The following ERO1B variants were observed in gnomAD, a reference collection of about 807,000 sequenced individuals.
ERO1B encodes the protein ERO1-like protein beta.
A neutral mutation model predicts 75.3 loss-of-function variants in ERO1B; 49 were observed. That is an observed-to-expected ratio of 0.65 (90% confidence interval 0.52 to 0.83). ERO1B has a LOEUF of 0.83. Among genes scored for constraint, ERO1B ranks in the 40% least tolerant of loss-of-function variants. The probability of loss-of-function intolerance (pLI) is 0.00; values close to 1 mark genes in which losing one functional copy is unlikely to be tolerated. For missense variants in ERO1B, 512 were observed against 560.1 expected (o/e 0.91, Z 0.87); for synonymous variants, 191 against 192.9 (o/e 0.99, Z 0.08).
intron 4 of ERO1B, among the ~76,000 whole-genome samples, chr1:236,250,608 TA>T (rs1664999704): frequency 3.1e-5 from 2 of 65,200 alleles, no homozygotes; most frequent in African/African-American, 1.0e-4. Flanking sequence ...TATATATATA[TA>T]TATATATATC....
intron 2 of ERO1B, among the ~76,000 whole-genome samples, chr1:236,267,232 T>TTCTGAAGTATGTTTTCTGAAG (rs1450611651): frequency 1.3e-5 from 2 of 152,238 alleles, no homozygotes; most frequent in African/African-American, 4.8e-5. Context: ...AGCTTTAGTT[T>TTCTGAAGTATGTTTTCTGAAG]TATCTTTTCT....
At chr1:236,268,308 TGG>T (rs1665499438) in intron 2 of ERO1B, among the ~76,000 whole-genome samples, 2 of 151,802 alleles carry the variant, frequency 1.3e-5, no homozygotes, top group South Asian at 4.2e-4. Context: ...GGCGTGGTGG[TGG>T]GCGCCTGTAA....
At chr1:236,241,882 C>T (rs1664713462) in intron 6 of ERO1B, among the ~76,000 whole-genome samples, 1 of 152,014 alleles carries the variant, frequency 6.6e-6, no homozygotes, top group South Asian at 2.1e-4. Flanking sequence ...TCCTGGCTAA[C>T]ATGGTGAAAC....
chr1:236,224,625 A>C (rs1664234145), intron 13 of ERO1B, among the ~76,000 whole-genome samples: 2 of 152,212 alleles, frequency 1.3e-5, no homozygotes, highest in Admixed American at 1.3e-4. Context: ...TCACATGTTA[A>C]CAGGTAGTTT....
At chr1:236,227,575 C>T (rs769831028) in intron 10 of ERO1B, among the ~76,000 whole-genome samples, 9 of 152,162 alleles carry the variant, frequency 5.9e-5, no homozygotes, top group Non-Finnish European at 1.2e-4. Context: ...ACTGGATACA[C>T]GGCCATGAGC....
chr1:236,281,532 G>A (rs1476456500), intron 1 of ERO1B, 150 bp downstream of exon 1: 1 of 490,628 alleles, frequency 2.0e-6, no homozygotes, highest in African/African-American at 2.0e-5. Flanking sequence ...GGACGGTCAG[G>A]TCTCTGCTCC....
chr1:236,218,580 T>C lies in ERO1B; in HGVS notation c.1344-4A>G, dbSNP rs750388567. On this transcript the variant is annotated splice_polypyrimidine_tract_variant and splice_region_variant and intron_variant, in intron 15 of 15. Transcript: ENST00000354619. The stretch of plus-strand genomic sequence containing the variant: ...GTCTCTTATACTTGTAGAAAGCCTA[T>C]GGAAGAAAGAAAAAGCTTATTAGTA... 5.2e-6 allele frequency: 7 copies of C among 1,356,842 alleles called. No homozygotes were observed. In the South Asian group the frequency reaches 7.8e-5, roughly 15 times the overall value. The allele number at this position is 1,356,842 out of a possible 1,614,324, so 84.1% of individuals were successfully genotyped here. A position where few individuals can be genotyped will look rare whatever the true frequency, so the allele number is the denominator to read the frequency against.
rs1349083382 is a variant in ERO1B at position 236,215,957 on chromosome 1, A to G, written c.*2559T>C. ...CAAATATCGAATAATTCACAATGTTAAAAATGTCAAAATAAAACGTTTTGA... is the reference window on the plus strand; with the variant it reads ...CAAATATCGAATAATTCACAATGTTGAAAATGTCAAAATAAAACGTTTTGA... On this transcript the variant is annotated 3_prime_UTR_variant, in exon 16 of 16. Transcript: ENST00000354619. 7.2e-6 allele frequency: 1 copy of G among 138,476 alleles called. No homozygotes were observed. 8.6% of individuals were successfully genotyped at this position (138,476 alleles called of 1,614,324 possible).
intron 2 of ERO1B, 74 bp downstream of exon 2, chr1:236,269,801 T>C: frequency 8.1e-7 from 1 of 1,235,694 alleles, no homozygotes; most frequent in South Asian, 1.4e-5. Flanking sequence ...GGAACTGAAA[T>C]GGGCTTTCAA....
At chr1:236,222,982 C>T (rs1043845103) in intron 13 of ERO1B, among the ~76,000 whole-genome samples, 1 of 152,018 alleles carries the variant, frequency 6.6e-6, no homozygotes, top group African/African-American at 2.4e-5. Context: ...AAGGTGTGAT[C>T]ACTTGAGGTC....
intron 2 of ERO1B, among the ~76,000 whole-genome samples, chr1:236,253,731 T>C (rs1181490752): frequency 1.3e-5 from 2 of 152,186 alleles, no homozygotes; most frequent in Admixed American, 6.6e-5. Context: ...TTGAATGTCT[T>C]CCAGCCTCCT....
chr1:236,279,514 A>AAAAAAAAAAAAC lies in ERO1B; in HGVS notation c.102+2167_102+2168insGTTTTTTTTTTT, dbSNP rs1553375582. The stretch of plus-strand genomic sequence containing the variant: ...AGCGAGACTCCATCTCAAAAAAAAA[A>AAAAAAAAAAAAC]AAAAAACAGCACAGTAGAAAGTACT... On this transcript the variant is annotated intron_variant, in intron 1 of 15. Coordinates refer to ENST00000354619, the MANE Select transcript of ERO1B (RefSeq NM_019891.4). 1.2e-4 allele frequency among the ~76,000 whole-genome samples: 17 copies of AAAAAAAAAAAAC among 143,920 alleles called. 1 individual carries two copies. The highest frequency in any genetic ancestry group is 2.3e-4 in the Non-Finnish European group (15 of 65,494). The allele number at this position is 143,920 out of a possible 152,430, so 94.4% of individuals were successfully genotyped here. A position where few individuals can be genotyped will look rare whatever the true frequency, so the allele number is the denominator to read the frequency against.
intron 6 of ERO1B, among the ~76,000 whole-genome samples, chr1:236,239,865 A>ATG (rs1558510910): frequency 1.3e-4 from 17 of 129,260 alleles, no homozygotes; most frequent in African/African-American, 4.9e-4. Flanking sequence ...ATATGTATAT[A>ATG]TATATGTGTA....
At chr1:236,259,267 T>C (rs1365898199) in intron 2 of ERO1B, among the ~76,000 whole-genome samples, 2 of 152,006 alleles carry the variant, frequency 1.3e-5, no homozygotes, top group Admixed American at 6.6e-5. Flanking sequence ...ATTCAAGGCA[T>C]ACCACTATAA....
rs777777964 is a variant in ERO1B at position 236,226,432 on chromosome 1, G to A, written c.889C>T (p.Pro297Ser). ...FDPVETKGEGPRRLKNLYFLY... is the reference protein window; with the variant it reads ...FDPVETKGEGSRRLKNLYFLY... Reference sequence around the variant, plus strand: ...AAGTAAAGATTCTTGAGCCTTCTTGGACCTTCTCCCTTGGTTTCCACAGGG... The same window carrying A: ...AAGTAAAGATTCTTGAGCCTTCTTGAACCTTCTCCCTTGGTTTCCACAGGG... Residue 297 changes from proline to serine, a missense_variant, in exon 12 of 16, where the codon CCA becomes TCA. Transcript: ENST00000354619. 2 of 1,613,986 alleles carry A rather than the reference G, an allele frequency of 1.2e-6. No individual in the cohort carries two copies. Among genetic ancestry groups the A allele is most frequent in the East Asian group, 4.5e-5 (2 of 44,882 alleles).
chr1:236,281,827 CG>C lies in ERO1B; in HGVS notation c.-45del. On this transcript the variant is annotated 5_prime_UTR_variant, in exon 1 of 16. Coordinates refer to ENST00000354619, the MANE Select transcript of ERO1B (RefSeq NM_019891.4). ...CGCGGCCAGCCGGACCCCTCGGGGCCGGGGAACGACGGGCGGCCCAGGCGAC... is the reference window on the plus strand; with the variant it reads ...CGCGGCCAGCCGGACCCCTCGGGGCCGGGAACGACGGGCGGCCCAGGCGAC... The C allele has an allele frequency of 2.3e-6, 3 of 1,314,746 alleles. No homozygotes were observed. The highest frequency in any genetic ancestry group is 3.1e-5 in the Admixed American group (1 of 31,904). 81.4% of individuals were successfully genotyped at this position (1,314,746 alleles called of 1,614,324 possible).
Position 236,240,594 on chromosome 1 carries a change from T to C in ERO1B, c.505+2828A>G, listed in dbSNP as rs572088353. 1.9e-3 allele frequency among the ~76,000 whole-genome samples: 289 copies of C among 152,304 alleles called. 1 individual carries two copies. Among genetic ancestry groups the C allele is most frequent in the African/African-American group, 6.5e-3 (269 of 41,562 alleles). On this transcript the variant is annotated intron_variant, in intron 6 of 15. Coordinates refer to ENST00000354619, the MANE Select transcript of ERO1B (RefSeq NM_019891.4). Reference sequence around the variant, plus strand: ...ACATTAAATTTATTAATGAACATATTTTAAGGGAAAAAATAAAACTAAAAA... The same window carrying C: ...ACATTAAATTTATTAATGAACATATCTTAAGGGAAAAAATAAAACTAAAAA...
At chr1:236,230,795 A>T (rs1282751717) in intron 9 of ERO1B, among the ~76,000 whole-genome samples, 1 of 152,028 alleles carries the variant, frequency 6.6e-6, no homozygotes, top group Non-Finnish European at 1.5e-5. Flanking sequence ...TTAAGAAAAC[A>T]TTTCAGTCAA....
At chr1:236,267,342 AC>A (rs1665469999) in intron 2 of ERO1B, among the ~76,000 whole-genome samples, 1 of 152,188 alleles carries the variant, frequency 6.6e-6, no homozygotes, top group East Asian at 1.9e-4. Context: ...AAAATACCCT[AC>A]CTGGAATACC....
Sources: gnomAD v4.1 joint callset for allele counts (sites outside exome capture counted in the v4.1 genomes callset) on GRCh38, gnomAD v4.1.1 for gene constraint, MANE v1.5 for transcripts, NCBI Gene and HGNC (gene_info 2026-07-23, HGNC 2026-07-21) for gene names.